Variants in DMD observed in about 807,000 individuals in gnomAD.
DMD encodes the protein dystrophin, also known as mutant dystrophin.
In DMD, 63 loss-of-function variants were observed where a neutral mutation model predicts 330.1. That is an observed-to-expected ratio of 0.19 (90% CI 0.16 to 0.24). The LOEUF (loss-of-function observed/expected upper bound fraction) is 0.24, where lower values mean the gene tolerates loss of function less well. Ranked by LOEUF, DMD falls within the 10% of genes least tolerant of loss-of-function variation. The probability of loss-of-function intolerance (pLI) is 1.00; values close to 1 mark genes in which losing one functional copy is unlikely to be tolerated. For missense variants in DMD, 3,344 were observed against 2,684.1 expected (o/e 1.25, Z -5.43); for synonymous variants, 1,223 against 959.8 (o/e 1.27, Z -5.07).
intron 62 of DMD, among the ~76,000 whole-genome samples, chrX:31,261,972 A>G (rs2050565108): frequency 8.9e-6 from 1 of 112,136 alleles, no homozygotes; most frequent in South Asian, 3.8e-4. Context: ...GGAGGGAAGG[A>G]AAAAAGAGAA....
chrX:33,130,799 C>T (rs1193293597), intron 1 of DMD, among the ~76,000 whole-genome samples: 1 of 111,218 alleles, frequency 9.0e-6, no homozygotes, highest in Non-Finnish European at 1.9e-5. Flanking sequence ...GATCCGCCTG[C>T]CTCGGCCTCC....
intron 62 of DMD, among the ~76,000 whole-genome samples, chrX:31,315,567 T>TC (rs2055935203): frequency 8.9e-6 from 1 of 112,436 alleles, no homozygotes; most frequent in Admixed American, 9.4e-5. Flanking sequence ...AATTTACTCC[T>TC]CTTCTTTTGG....
chrX:31,818,486 T>C (rs951041479), intron 50 of DMD, among the ~76,000 whole-genome samples: 1 of 111,234 alleles, frequency 9.0e-6, no homozygotes, highest in Non-Finnish European at 1.9e-5. Context: ...TAACGTGGCT[T>C]ATATGGGACA....
intron 1 of DMD, among the ~76,000 whole-genome samples, chrX:33,233,685 G>C (rs991490881): frequency 1.8e-5 from 2 of 111,741 alleles, no homozygotes; most frequent in Admixed American, 9.5e-5. Flanking sequence ...TTTTATTAAA[G>C]GTCAACAGGA....
chrX:31,204,798 T>C lies in DMD; in HGVS notation c.9650-680A>G, dbSNP rs145601763. ...CCATCACACCCAGCTAATTTTTGTA[T>C]TTTTACTGGAGACGTGTTTCACCAT... On this transcript the variant is annotated intron_variant, in intron 66 of 78. Coordinates refer to ENST00000357033, the MANE Select transcript of DMD (RefSeq NM_004006.3). Among the ~76,000 whole-genome samples, 842 of 112,140 alleles carry C rather than the reference T, an allele frequency of 7.5e-3. 4 individuals are homozygous for C. The highest frequency in any genetic ancestry group is 0.026 in the African/African-American group (802 of 30,852).
At chrX:32,029,684 T>A (rs2095870637) in intron 44 of DMD, among the ~76,000 whole-genome samples, 1 of 111,960 alleles carries the variant, frequency 8.9e-6, no homozygotes, top group Non-Finnish European at 1.9e-5. Context: ...TTCTTTCAGT[T>A]CTGGCATAGT....
intron 1 of DMD, among the ~76,000 whole-genome samples, chrX:33,062,625 C>T (rs902167376): frequency 3.6e-5 from 4 of 111,573 alleles, no homozygotes; most frequent in Non-Finnish European, 7.5e-5. Context: ...CACAGGCGTG[C>T]GCCACTACGC....
chrX:32,326,574 A>G (rs2097651861), intron 41 of DMD, among the ~76,000 whole-genome samples: 1 of 112,502 alleles, frequency 8.9e-6, no homozygotes, highest in Non-Finnish European at 1.9e-5. Flanking sequence ...GCCATATGGC[A>G]TTATGTATTA....
intron 1 of DMD, among the ~76,000 whole-genome samples, chrX:33,246,302 T>TCTG (rs1169838117): frequency 8.9e-6 from 1 of 111,907 alleles, no homozygotes; most frequent in African/African-American, 3.3e-5. Flanking sequence ...TGGTGACCAT[T>TCTG]CTGCCATCTA....
intron 16 of DMD, among the ~76,000 whole-genome samples, chrX:32,547,265 A>G (rs936239904): frequency 2.7e-5 from 3 of 111,580 alleles, no homozygotes; most frequent in African/African-American, 9.7e-5. Context: ...CTCTTAAATT[A>G]ATTTCTGTAA....
At chrX:31,903,283 G>T (rs1193264921) in intron 47 of DMD, among the ~76,000 whole-genome samples, 2 of 111,060 alleles carry the variant, frequency 1.8e-5, no homozygotes, top group South Asian at 7.5e-4. Context: ...TTTCAGTGGG[G>T]ACTAGCCATA....
intron 44 of DMD, among the ~76,000 whole-genome samples, chrX:32,088,821 A>G (rs1030540871): frequency 1.8e-5 from 2 of 110,795 alleles, no homozygotes; most frequent in African/African-American, 6.6e-5. Flanking sequence ...AGAATGACAC[A>G]TATAAATAAA....
rs778087872 is a variant in DMD, at chrX:32,150,526, G to A, written c.6438+66390C>T. ...ACCGTCTGTGGAGGTGAGGGTGCTC[G>A]TTCAGGACCTGAACACCATAGAAGA... On this transcript the variant is annotated intron_variant, in intron 44 of 78. Coordinates refer to ENST00000357033, the MANE Select transcript of DMD (RefSeq NM_004006.3). Among the ~76,000 whole-genome samples the A allele has an allele frequency of 2.7e-5, 3 of 111,652 alleles. No homozygotes were observed. The East Asian group carries it at 8.5e-4, about 32-fold the overall frequency.
At chrX:31,936,732 T>C (rs2094929226) in intron 45 of DMD, among the ~76,000 whole-genome samples, 1 of 111,689 alleles carries the variant, frequency 9.0e-6, no homozygotes, top group Admixed American at 9.6e-5. Context: ...TTACCATTGT[T>C]CAGATATTCT....
intron 11 of DMD, among the ~76,000 whole-genome samples, chrX:32,633,728 T>C (rs1399402724): frequency 9.0e-6 from 1 of 111,726 alleles, no homozygotes; most frequent in Non-Finnish European, 1.9e-5. Context: ...GCTCAGCTGC[T>C]GGGGAGGCCT....
intron 50 of DMD, among the ~76,000 whole-genome samples, chrX:31,795,246 A>C (rs1213375038): frequency 8.9e-6 from 1 of 112,326 alleles, no homozygotes; most frequent in Non-Finnish European, 1.9e-5. Context: ...GAAAAGTTTA[A>C]ATCAACCAGC....
chrX:31,578,438 T>C (rs755206524), intron 55 of DMD, among the ~76,000 whole-genome samples: 1 of 111,675 alleles, frequency 9.0e-6, no homozygotes, highest in East Asian at 2.8e-4. Flanking sequence ...AGAGAACAGA[T>C]GTAAGAAAAA....
chrX:32,358,526 C>T (rs952642817), intron 37 of DMD, among the ~76,000 whole-genome samples: 2 of 111,525 alleles, frequency 1.8e-5, no homozygotes, highest in African/African-American at 6.5e-5. Context: ...ACATAGATTA[C>T]GAAAAAACAC....
intron 48 of DMD, among the ~76,000 whole-genome samples, chrX:31,874,557 AT>A (rs1192171522): frequency 1.1e-4 from 12 of 111,510 alleles, no homozygotes; most frequent in Admixed American, 9.6e-5. Flanking sequence ...TGAAGACCTT[AT>A]TTCTAGTAAA....
Sources: gnomAD v4.1 joint callset for allele counts (sites outside exome capture counted in the v4.1 genomes callset) on GRCh38, gnomAD v4.1.1 for gene constraint, MANE v1.5 for transcripts, NCBI Gene and HGNC (gene_info 2026-07-23, HGNC 2026-07-21) for gene names.